EXPH5: variants seen among roughly 807,000 people sequenced by gnomAD.
EXPH5 encodes the protein exophilin-5.
In EXPH5, 42 loss-of-function variants were observed where a neutral mutation model predicts 41.1. The ratio of observed to expected loss-of-function variants is 1.02; its 90% CI spans 0.80 to 1.32. The LOEUF is 1.32. Ranked by LOEUF, EXPH5 falls within the 40% of genes most tolerant of loss-of-function variation. The pLI is 0.00. For missense variants in EXPH5, 2,298 were observed against 2,314.5 expected, an observed-to-expected ratio of 0.99 and a Z score of 0.15; for synonymous variants, 798 against 833.5, an observed-to-expected ratio of 0.96 and a Z score of 0.73.
chr11:108,525,193 T>C (rs2093790299), intron 4 of EXPH5, among the ~76,000 whole-genome samples: 1 of 152,222 alleles, frequency 6.6e-6, no homozygotes, highest in South Asian at 2.1e-4. Flanking sequence ...ATTAAGCCCC[T>C]TTTTCTTTAA....
rs2093649267 is a variant in EXPH5, at chr11:108,507,246, T to C, written c.*2291A>G. On this transcript the variant is annotated 3_prime_UTR_variant, in exon 6 of 6. Coordinates refer to ENST00000265843, the MANE Select transcript of EXPH5 (RefSeq NM_015065.3). Reference sequence around the variant, plus strand: ...GCATGTTCATTAGCTTTGAGTTGCATGGGAACCATGTAAAGTAACCCACGC... The same window carrying C: ...GCATGTTCATTAGCTTTGAGTTGCACGGGAACCATGTAAAGTAACCCACGC... 1 of 152,204 alleles carries C rather than the reference T, an allele frequency of 6.6e-6. No homozygotes were observed. 9.4% of individuals were successfully genotyped at this position (152,204 alleles called of 1,614,324 possible).
At chr11:108,573,068 AT>A (rs2081980266) in intron 1 of EXPH5, among the ~76,000 whole-genome samples, 1 of 150,502 alleles carries the variant, frequency 6.6e-6, no homozygotes, top group African/African-American at 2.5e-5. Flanking sequence ...GTTGAAAAAA[AT>A]AAGAGAGAGA....
chr11:108,599,513 C>G, the EXPH5 span, among the ~76,000 whole-genome samples: 1 of 152,160 alleles, frequency 6.6e-6, no homozygotes, highest in Non-Finnish European at 1.5e-5. Context: ...ATGTCACAAC[C>G]TAACTGGATT....
At chr11:108,568,040 G>A (rs1201181306) in intron 1 of EXPH5, 1 of 152,142 alleles carries the variant, frequency 6.6e-6, no homozygotes, top group Admixed American at 6.5e-5. Context: ...ACTGAAGACA[G>A]GGGGTTTCCG....
At position 108,512,084 on chromosome 11, in the gene EXPH5, C is replaced by A. The variant is rs1361900211; in HGVS notation, c.3423G>T (p.Lys1141Asn). Reference protein sequence around the residue: ...HASTGREGRKKPLTSGMDASE... With the variant: ...HASTGREGRKNPLTSGMDASE... ...AAGCATCCATGCCTGAGGTCAATGGCTTTTTTCTTCCTTCTCTTCCAGTTG... is the reference window on the plus strand; with the variant it reads ...AAGCATCCATGCCTGAGGTCAATGGATTTTTTCTTCCTTCTCTTCCAGTTG... Residue 1141 changes from lysine (K) to asparagine (N), a missense_variant, in exon 6 of 6, where the codon AAG (lysine) becomes AAT (asparagine). Coordinates refer to ENST00000265843, the MANE Select transcript of EXPH5 (RefSeq NM_015065.3). The A allele has an allele frequency of 6.2e-7, 1 of 1,612,496 alleles. No individual in the cohort carries two copies. Among genetic ancestry groups the A allele is most frequent in the African/African-American group, 1.3e-5 (1 of 74,782 alleles).
Position 108,539,180 on chromosome 11 carries a change from A to G in EXPH5, c.287T>C (p.Ile96Thr), listed in dbSNP as rs959507817. The change falls in exon 3 of 6, where the codon ATA becomes ACA. Residue 96 changes from isoleucine (I) to threonine (T), a missense_variant. Physicochemically the swap from Ile to Thr is moderately conservative, Grantham distance 89. Coordinates refer to ENST00000265843, the MANE Select transcript of EXPH5 (RefSeq NM_015065.3). The stretch of plus-strand genomic sequence containing the variant: ...TTTAGATCTTGATGTAGGTAATTCT[A>G]TCGGATCTAGAAAAAAAAATTGTAA... The part of the protein sequence containing the change: ...LSKEMAKNDP[I>T]ELPTSRSKNV... 8 of 1,570,824 alleles carry G rather than the reference A, an allele frequency of 5.1e-6. No individual in the cohort carries two copies. Among genetic ancestry groups the G allele is most frequent in the Non-Finnish European group, 6.0e-6 (7 of 1,159,106 alleles).
chr11:108,605,111 C>T, the EXPH5 span, among the ~76,000 whole-genome samples: 3 of 152,212 alleles, frequency 2.0e-5, no homozygotes, highest in East Asian at 5.8e-4. Flanking sequence ...ACAAGAGTGT[C>T]AAACCAATGA....
Position 108,509,800 on chromosome 11 carries a change from T to C in EXPH5, c.5707A>G (p.Arg1903Gly), listed in dbSNP as rs1344578922. Residue 1903 changes from arginine (R) to glycine (G), a missense_variant, in exon 6 of 6, where the codon AGG (arginine) becomes GGG (glycine). Coordinates refer to ENST00000265843, the MANE Select transcript of EXPH5 (RefSeq NM_015065.3). ...QQLAFLENVK[R>G]SLTQGRLWKP... ...CATAATCTTCCTTGTGTAAGTGACC[T>C]CTTTACATTTTCTAAGAAAGCTAAC... The C allele has an allele frequency of 8.7e-6, 14 of 1,613,204 alleles. No individual in the cohort carries two copies. The highest frequency in any genetic ancestry group is 1.2e-5 in the Non-Finnish European group (14 of 1,179,804).
chr11:108,599,610 T>C, the EXPH5 span, among the ~76,000 whole-genome samples: 1 of 152,224 alleles, frequency 6.6e-6, no homozygotes, highest in African/African-American at 2.4e-5. Flanking sequence ...TTTATGTTAC[T>C]TCAATAACCA....
the EXPH5 span, among the ~76,000 whole-genome samples, chr11:108,600,346 C>T: frequency 1.3e-5 from 2 of 152,110 alleles, no homozygotes; most frequent in African/African-American, 4.8e-5. Context: ...CCAACTAAAC[C>T]TGAAGTTTCT....
intron 1 of EXPH5, among the ~76,000 whole-genome samples, chr11:108,562,972 C>T (rs2094019417): frequency 6.6e-6 from 1 of 152,208 alleles, no homozygotes; most frequent in Admixed American, 6.5e-5. Flanking sequence ...AGATTCAAGA[C>T]ATCTAAGGGA....
rs753453704 is a variant in EXPH5 at position 108,514,421 on chromosome 11, A to G, written c.1086T>C (p.Ser362=). The change falls in exon 6 of 6, where the codon AGT becomes AGC. Residue 362 remains serine (S), a synonymous_variant. Transcript: ENST00000265843. ...TGGATGATAAAGGAGTTCTCTTTGG[A>G]CTCTGCTGGTGCCTTGGTGGTATAA... ...SGFIPPRHQQ[S]PKRTPLSSII... is the part of the protein sequence containing the mutation. 1 of 1,613,680 alleles carries G rather than the reference A, an allele frequency of 6.2e-7. No homozygotes were observed. The highest frequency in any genetic ancestry group is 8.5e-7 in the Non-Finnish European group (1 of 1,179,956).
chr11:108,523,315 A>G (rs2093777321), intron 4 of EXPH5, among the ~76,000 whole-genome samples: 1 of 152,220 alleles, frequency 6.6e-6, no homozygotes, highest in African/African-American at 2.4e-5. Context: ...AGGAAACTGT[A>G]TCTCATGCAA....
At chr11:108,586,200 T>C (rs899115220) in intron 1 of EXPH5, among the ~76,000 whole-genome samples, 3 of 150,630 alleles carry the variant, frequency 2.0e-5, no homozygotes, top group Non-Finnish European at 3.0e-5. Flanking sequence ...TTCTCCTACC[T>C]CGGCCTCCCG....
chr11:108,593,645 A>C lies in EXPH5; in HGVS notation c.-109T>G. 1 of 1,592,308 alleles carries C rather than the reference A, an allele frequency of 6.3e-7. No individual in the cohort carries two copies. Among genetic ancestry groups the C allele is most frequent in the Non-Finnish European group, 8.6e-7 (1 of 1,167,622 alleles). On this transcript the variant is annotated 5_prime_UTR_variant, in exon 1 of 6. It adds an upstream start codon to the 5' untranslated region. Transcript: ENST00000265843. ...TCACGAACTTGATCCCACAGCCAAT[A>C]ATAAGTCCGCCCCTTTGAAAGTCTA... is the stretch of plus-strand genomic sequence containing the variant.
At chr11:108,592,931 G>T (rs1340413422) in intron 1 of EXPH5, among the ~76,000 whole-genome samples, 1 of 152,276 alleles carries the variant, frequency 6.6e-6, no homozygotes, top group East Asian at 1.9e-4. Context: ...TGGGTGGGGA[G>T]ATTCGCCTCT....
chr11:108,541,613 A>G, intron 2 of EXPH5, 39 bp downstream of exon 2: 1 of 1,443,962 alleles, frequency 6.9e-7, no homozygotes, highest in Non-Finnish European at 9.6e-7. Flanking sequence ...TGCCACAGAA[A>G]CAAAGAAATC....
At chr11:108,528,078 C>A (rs1337789308) in intron 4 of EXPH5, 58 bp downstream of exon 4, 1 of 1,124,688 alleles carries the variant, frequency 8.9e-7, no homozygotes, top group Admixed American at 1.8e-5. Context: ...GGTAGCCACC[C>A]TGGGATTACA....
intron 3 of EXPH5, among the ~76,000 whole-genome samples, chr11:108,535,117 G>C (rs2093871051): frequency 2.0e-5 from 3 of 152,312 alleles, no homozygotes; most frequent in Admixed American, 2.0e-4. Flanking sequence ...GCCCTTACCA[G>C]AGTGGGAGGA....
Sources: gnomAD v4.1 joint callset for allele counts (sites outside exome capture counted in the v4.1 genomes callset) on GRCh38, gnomAD v4.1.1 for gene constraint, MANE v1.5 for transcripts, NCBI Gene and HGNC (gene_info 2026-07-23, HGNC 2026-07-21) for gene names.